Variants in PTBP3 observed in about 807,000 individuals in gnomAD.
The protein encoded by PTBP3 is polypyrimidine tract binding protein 3.
A neutral mutation model predicts 58.7 loss-of-function variants in PTBP3; 20 were observed. The observed-to-expected ratio is 0.34, with a 90% CI of 0.24 to 0.50. The LOEUF (loss-of-function observed/expected upper bound fraction) is 0.50. Ranked by LOEUF, PTBP3 falls within the 20% of genes least tolerant of loss-of-function variation. The pLI, the probability that PTBP3 is intolerant of heterozygous loss-of-function variation, is 0.98. For missense variants in PTBP3, 509 were observed against 637.2 expected (o/e 0.80, Z 2.17); for synonymous variants, 185 against 219.8 (o/e 0.84, Z 1.40).
At chr9:112,246,231 C>G (rs552139725) in intron 7 of PTBP3, among the ~76,000 whole-genome samples, 19 of 151,908 alleles carry the variant, frequency 1.3e-4, no homozygotes, top group Non-Finnish European at 2.5e-4. Flanking sequence ...GATCCACCCG[C>G]CTCGGCCTCC....
chr9:112,255,933 G>C (rs1015173528), intron 5 of PTBP3, among the ~76,000 whole-genome samples: 8 of 151,950 alleles, frequency 5.3e-5, no homozygotes, highest in Admixed American at 3.3e-4. Flanking sequence ...TATTTTTCTT[G>C]AGTTGTATCT....
intron 2 of PTBP3, among the ~76,000 whole-genome samples, chr9:112,283,851 G>A (rs879713149): frequency 5.3e-5 from 8 of 152,224 alleles, no homozygotes; most frequent in Admixed American, 2.6e-4. Flanking sequence ...CATCCCAGCT[G>A]CTCTAGCTCC....
At chr9:112,377,367 C>T in the PTBP3 span, among the ~76,000 whole-genome samples, 12 of 152,160 alleles carry the variant, frequency 7.9e-5, no homozygotes, top group East Asian at 1.9e-4. Context: ...CAAAACAAAA[C>T]GAAACACATT....
Position 112,250,924 on chromosome 9 carries a change from C to T in PTBP3, c.802+5G>A. On this transcript the variant is annotated splice_donor_5th_base_variant and intron_variant, in intron 7 of 13. Coordinates refer to ENST00000374257, the MANE Select transcript of PTBP3 (RefSeq NM_001163788.4). ...TGCTTTGTGACCCAAAAAAGAACTA[C>T]TCACCAAAAGCAGCAGCCATAGGGG... 2 of 1,534,402 alleles carry T rather than the reference C, an allele frequency of 1.3e-6. No individual in the cohort carries two copies. Among genetic ancestry groups the T allele is most frequent in the Non-Finnish European group, 1.7e-6 (2 of 1,143,772 alleles).
At position 112,231,306 on chromosome 9, in the gene PTBP3, A is replaced by G; in HGVS notation, c.1054+74T>C. On this transcript the variant is annotated intron_variant, in intron 10 of 13. Transcript: ENST00000374257. ...TACTTGGCACACAGAAGTAATCAAT[A>G]CATATTACTAAAAAAGTGAAATGTG... The G allele has an allele frequency of 3.2e-6, 4 of 1,252,320 alleles. No homozygotes were observed. In the South Asian group the frequency reaches 4.2e-5, roughly 13 times the overall value. The allele number at this position is 1,252,320 out of a possible 1,614,324, so 77.6% of individuals were successfully genotyped here. A position where few individuals can be genotyped will look rare whatever the true frequency, so the allele number is the denominator to read the frequency against.
At chr9:112,305,718 A>C (rs1258039183) in intron 1 of PTBP3, among the ~76,000 whole-genome samples, 1 of 152,048 alleles carries the variant, frequency 6.6e-6, no homozygotes, top group African/African-American at 2.4e-5. Flanking sequence ...AGGGGGGCGG[A>C]TAATGAGGTC....
chr9:112,250,108 T>C (rs1836046628), intron 7 of PTBP3, among the ~76,000 whole-genome samples: 1 of 152,162 alleles, frequency 6.6e-6, no homozygotes, highest in Admixed American at 6.5e-5. Context: ...CTTAATTTTA[T>C]AATTTGATTG....
intron 1 of PTBP3, among the ~76,000 whole-genome samples, chr9:112,328,089 A>AT (rs1830228073): frequency 6.6e-6 from 1 of 152,228 alleles, no homozygotes; most frequent in African/African-American, 2.4e-5. Context: ...TTAAAAGTCC[A>AT]TATTACTCTT....
At chr9:112,276,842 T>C (rs1257846973) in intron 2 of PTBP3, among the ~76,000 whole-genome samples, 1 of 152,194 alleles carries the variant, frequency 6.6e-6, no homozygotes, top group Admixed American at 6.5e-5. Flanking sequence ...CTTAAGTTTA[T>C]GCAAGTAAGA....
At chr9:112,333,390 C>A in intron 1 of PTBP3, 80 bp downstream of exon 1, 3 of 1,509,916 alleles carry the variant, frequency 2.0e-6, no homozygotes, top group Non-Finnish European at 1.8e-6. Context: ...TGCTCCCCAG[C>A]CCTTACGCGT....
chr9:112,343,331 C>T, the PTBP3 span, among the ~76,000 whole-genome samples: 1 of 151,888 alleles, frequency 6.6e-6, no homozygotes, highest in African/African-American at 2.4e-5. Context: ...GCCTCAGCCT[C>T]CCCAGTAGCT....
intron 5 of PTBP3, among the ~76,000 whole-genome samples, chr9:112,256,648 C>T (rs1836378281): frequency 6.6e-6 from 1 of 151,820 alleles, no homozygotes; most frequent in Non-Finnish European, 1.5e-5. Flanking sequence ...CTCCTGCTTT[C>T]GTCTCCAGAG....
intron 2 of PTBP3, among the ~76,000 whole-genome samples, chr9:112,288,524 A>G (rs535041987): frequency 1.2e-4 from 18 of 151,926 alleles, no homozygotes; most frequent in Non-Finnish European, 2.4e-4. Flanking sequence ...CCCAACCCCC[A>G]CAGTCTAGAA....
rs764789185 is a variant in PTBP3, at chr9:112,256,311, TTATC to T, written c.517-3527_517-3524del. Among the ~76,000 whole-genome samples the T allele has an allele frequency of 6.3e-3, 835 of 133,306 alleles. 8 individuals are homozygous for T. The highest frequency in any genetic ancestry group is 0.019 in the South Asian group (80 of 4,180). 87.5% of individuals were successfully genotyped at this position (133,306 alleles called of 152,430 possible). On this transcript the variant is annotated intron_variant, in intron 5 of 13. Coordinates refer to ENST00000374257, the MANE Select transcript of PTBP3 (RefSeq NM_001163788.4). ...TATATATACATATATATATATATAT[TTATC>T]TATCTTGCTGTTGTACTTCTACTGT...
chr9:112,312,235 A>G (rs1829509812), intron 1 of PTBP3, among the ~76,000 whole-genome samples: 1 of 152,158 alleles, frequency 6.6e-6, no homozygotes, highest in Non-Finnish European at 1.5e-5. Flanking sequence ...GACATAAAAA[A>G]AAGTGGGGAA....
At chr9:112,353,190 G>C in the PTBP3 span, among the ~76,000 whole-genome samples, 504 of 145,954 alleles carry the variant, frequency 3.5e-3, 1 homozygote, top group African/African-American at 0.012. Context: ...CGTGAGCCAC[G>C]GCGCCCAGCT....
chr9:112,307,400 T>C (rs1339611117), intron 1 of PTBP3, among the ~76,000 whole-genome samples: 1 of 152,068 alleles, frequency 6.6e-6, no homozygotes, highest in Non-Finnish European at 1.5e-5. Flanking sequence ...TTCTGTGAGC[T>C]AAGATCATGC....
the PTBP3 span, among the ~76,000 whole-genome samples, chr9:112,374,709 G>C: frequency 6.6e-6 from 1 of 152,228 alleles, no homozygotes; most frequent in South Asian, 2.1e-4. Flanking sequence ...CAGAGGCAAT[G>C]CTGTGTGGAA....
intron 8 of PTBP3, among the ~76,000 whole-genome samples, chr9:112,232,721 T>A (rs896343407): frequency 1.3e-5 from 2 of 152,190 alleles, no homozygotes; most frequent in African/African-American, 2.4e-5. Flanking sequence ...TGTGACTGTA[T>A]AAAATGCTAT....
Sources: allele counts gnomAD v4.1 joint callset (sites outside exome capture counted in the v4.1 genomes callset), GRCh38; gene constraint gnomAD v4.1.1; transcripts MANE v1.5; gene names NCBI Gene and HGNC (gene_info 2026-07-23, HGNC 2026-07-21).